WARS2: variants seen among roughly 807,000 people sequenced by gnomAD.
WARS2 encodes the protein tryptophanyl tRNA synthetase 2, mitochondrial, also known as tryptophan--tRNA ligase, mitochondrial.
Under a neutral mutation model 36.5 loss-of-function variants are expected in WARS2, and 28 were observed. The ratio of observed to expected loss-of-function variants is 0.77; its 90% confidence interval spans 0.57 to 1.05. WARS2 has a LOEUF of 1.05. Ranked by LOEUF, WARS2 falls within the 50% of genes least tolerant of loss-of-function variation. The probability of loss-of-function intolerance (pLI) is 0.00; values close to 1 mark genes in which losing one functional copy is unlikely to be tolerated. For missense variants in WARS2, 435 were observed against 456.8 expected (o/e 0.95, Z 0.44); for synonymous variants, 174 against 178.4 (o/e 0.98, Z 0.20).
intron 2 of WARS2, among the ~76,000 whole-genome samples, chr1:119,066,138 A>G (rs915219970): frequency 6.6e-6 from 1 of 152,176 alleles, no homozygotes; most frequent in African/African-American, 2.4e-5. Flanking sequence ...AAAAAAAACA[A>G]AAAACAAAAC....
At chr1:119,037,517 C>T (rs770719877) in intron 4 of WARS2, among the ~76,000 whole-genome samples, 2 of 152,156 alleles carry the variant, frequency 1.3e-5, no homozygotes, top group Non-Finnish European at 2.9e-5. Context: ...AGGATTAATT[C>T]CTCATGACTA....
At chr1:119,135,803 G>T (rs2487665) in intron 1 of WARS2, among the ~76,000 whole-genome samples, 126,922 of 151,380 alleles carry the variant, frequency 0.84, 53,193 homozygotes, top group East Asian at 0.89. Flanking sequence ...TTTGTTTGTT[G>T]GTTTTTCAGA....
chr1:119,138,923 T>C (rs1459512028), intron 1 of WARS2, among the ~76,000 whole-genome samples: 1 of 152,210 alleles, frequency 6.6e-6, no homozygotes, highest in Admixed American at 6.5e-5. Context: ...AGAAATTTTT[T>C]CTTTAGCATT....
At chr1:119,117,325 G>T (rs1271552093) in intron 1 of WARS2, among the ~76,000 whole-genome samples, 2 of 152,170 alleles carry the variant, frequency 1.3e-5, no homozygotes, top group South Asian at 2.1e-4. Flanking sequence ...GCACCCACCT[G>T]ATGGTTTGTC....
chr1:119,118,458 T>C (rs1366337986), intron 1 of WARS2, among the ~76,000 whole-genome samples: 3 of 152,080 alleles, frequency 2.0e-5, no homozygotes, highest in East Asian at 3.9e-4. Context: ...CTAAGAGTAA[T>C]TGGTGTTCTT....
chr1:119,033,486 T>A, intron 5 of WARS2, 127 bp from the exon 6 acceptor site: 1 of 1,181,546 alleles, frequency 8.5e-7, no homozygotes, highest in Non-Finnish European at 1.2e-6. Flanking sequence ...TTTACAGTGG[T>A]GCAAATGTGA....
At chr1:119,078,417 T>C (rs758476947) in intron 1 of WARS2, among the ~76,000 whole-genome samples, 1 of 152,204 alleles carries the variant, frequency 6.6e-6, no homozygotes, top group Non-Finnish European at 1.5e-5. Context: ...AGTACTTCAA[T>C]ATAGTGAACT....
At chr1:119,109,577 A>G (rs370220803) in intron 1 of WARS2, among the ~76,000 whole-genome samples, 1 of 151,820 alleles carries the variant, frequency 6.6e-6, no homozygotes, top group Admixed American at 6.6e-5. Context: ...CTTTAAATCC[A>G]TATGTGTCTT....
At chr1:119,072,961 C>T (rs1158310229) in intron 2 of WARS2, among the ~76,000 whole-genome samples, 1 of 151,926 alleles carries the variant, frequency 6.6e-6, no homozygotes, top group African/African-American at 2.4e-5. Flanking sequence ...TTGATACCAG[C>T]CTGGACAACG....
At position 119,032,709 on chromosome 1, in the gene WARS2, T is replaced by C. The variant is rs1647529370; in HGVS notation, c.*202A>G. On this transcript the variant is annotated 3_prime_UTR_variant, in exon 6 of 6. Transcript: ENST00000235521. ...TTCTTGATTTATTTTTTGTTGTTGT[T>C]GTTCACAGCATTTTGTTGATGGGAT... 3.4e-6 allele frequency: 2 copies of C among 580,438 alleles called. No individual in the cohort carries two copies. Among genetic ancestry groups the C allele is most frequent in the South Asian group, 4.8e-5 (2 of 41,392 alleles). The allele number at this position is 580,438 out of a possible 1,614,324, so 36.0% of individuals were successfully genotyped here.
rs575839810 is a variant in WARS2, at chr1:119,048,095, T to C, written c.349-2433A>G. 8.5e-5 allele frequency among the ~76,000 whole-genome samples: 13 copies of C among 152,376 alleles called. No individual in the cohort carries two copies. The South Asian group carries it at 2.1e-3, about 24-fold the overall frequency. ...TTAGGTTTGGCAACAGACTTGGTGA[T>C]TGAGGCAAAAGCAGTTTCAGGGGAG... is the stretch of plus-strand genomic sequence containing the variant. On this transcript the variant is annotated intron_variant, in intron 2 of 5. Transcript: ENST00000235521.
chr1:119,125,709 A>C (rs1655609670), intron 1 of WARS2, among the ~76,000 whole-genome samples: 1 of 152,194 alleles, frequency 6.6e-6, no homozygotes, highest in Non-Finnish European at 1.5e-5. Context: ...ACACTTATTC[A>C]GGCCTCTGTT....
intron 1 of WARS2, chr1:119,085,629 A>G: frequency 7.0e-7 from 1 of 1,438,714 alleles, no homozygotes; most frequent in East Asian, 2.3e-5. Context: ...CACATGATCC[A>G]CTCGGATAGT....
intron 1 of WARS2, among the ~76,000 whole-genome samples, chr1:119,099,782 T>C (rs587599837): frequency 1.3e-5 from 2 of 152,272 alleles, no homozygotes; most frequent in South Asian, 4.1e-4. Context: ...CCTTATCTCT[T>C]ACCATATACA....
At chr1:119,139,907 G>C (rs780009606) in intron 1 of WARS2, 1 of 152,114 alleles carries the variant, frequency 6.6e-6, no homozygotes, top group Non-Finnish European at 1.5e-5. Flanking sequence ...AATAAGACCA[G>C]GCCGCGACAT....
At chr1:119,104,573 A>T (rs1253207687) in intron 1 of WARS2, among the ~76,000 whole-genome samples, 2 of 151,462 alleles carry the variant, frequency 1.3e-5, no homozygotes, top group African/African-American at 4.8e-5. Flanking sequence ...CATGTAAAAA[A>T]TAAGAAAGCA....
At chr1:119,058,805 G>C (rs1165753255) in intron 2 of WARS2, among the ~76,000 whole-genome samples, 3 of 142,146 alleles carry the variant, frequency 2.1e-5, no homozygotes, top group East Asian at 1.9e-4. Context: ...ATGATTTATA[G>C]TCTTTTGGGT....
At chr1:119,034,449 C>T (rs897213466) in intron 4 of WARS2, among the ~76,000 whole-genome samples, 2 of 152,202 alleles carry the variant, frequency 1.3e-5, no homozygotes, top group African/African-American at 4.8e-5. Context: ...CAGCCATCAA[C>T]ACCAGCATGA....
intron 1 of WARS2, among the ~76,000 whole-genome samples, chr1:119,132,898 C>A (rs1268946716): frequency 3.3e-5 from 5 of 152,170 alleles, no homozygotes; most frequent in Non-Finnish European, 7.3e-5. Context: ...GAATCAAATT[C>A]TTCCTTGTCC....
Sources: gnomAD v4.1 joint callset for allele counts (sites outside exome capture counted in the v4.1 genomes callset) on GRCh38, gnomAD v4.1.1 for gene constraint, MANE v1.5 for transcripts, NCBI Gene and HGNC (gene_info 2026-07-23, HGNC 2026-07-21) for gene names.